The following MYLK variants were observed in gnomAD, a reference collection of about 807,000 sequenced individuals.
MYLK encodes the protein myosin light chain kinase, also known as myosin light chain kinase, smooth muscle.
MYLK carries 106 observed loss-of-function variants against 203.4 expected under a neutral mutation model. That is an observed-to-expected ratio of 0.52 (90% CI 0.45 to 0.61). The LOEUF (loss-of-function observed/expected upper bound fraction) is 0.61, where lower values mean the gene tolerates loss of function less well. Ranked by LOEUF, MYLK falls within the 20% of genes least tolerant of loss-of-function variation. The probability of loss-of-function intolerance (pLI) is 0.00; values close to 1 mark genes in which losing one functional copy is unlikely to be tolerated. For synonymous variants in MYLK, 867 were observed against 959.5 expected (o/e 0.90, Z 1.78); for missense variants, 2,072 against 2,442.3 (o/e 0.85, Z 3.20).
At chr3:123,873,967 C>T (rs1180411238) in intron 2 of MYLK, among the ~76,000 whole-genome samples, 2 of 151,856 alleles carry the variant, frequency 1.3e-5, no homozygotes, top group Admixed American at 1.3e-4. Context: ...TATGTATATG[C>T]CAAAAACTAT....
intron 4 of MYLK, among the ~76,000 whole-genome samples, chr3:123,783,109 T>A (rs1457493437): frequency 1.3e-5 from 2 of 152,228 alleles, no homozygotes; most frequent in Non-Finnish European, 1.5e-5. Flanking sequence ...GAGTACAAAC[T>A]AGTTCCTTTT....
At chr3:123,677,393 T>C (rs1419205197) in intron 20 of MYLK, among the ~76,000 whole-genome samples, 2 of 152,208 alleles carry the variant, frequency 1.3e-5, no homozygotes, top group African/African-American at 4.8e-5. Flanking sequence ...CTCCTGCTCA[T>C]TGGCTTTCTT....
chr3:123,770,927 G>A (rs1178356080), intron 4 of MYLK, among the ~76,000 whole-genome samples: 2 of 152,190 alleles, frequency 1.3e-5, no homozygotes, highest in Non-Finnish European at 2.9e-5. Flanking sequence ...CCCGTCCCCA[G>A]AATGTTCATA....
chr3:123,692,935 C>T (rs543669557), intron 18 of MYLK, 84 bp from the exon 19 acceptor site: 43 of 1,196,942 alleles, frequency 3.6e-5, no homozygotes, highest in East Asian at 4.6e-5. Context: ...GAGTGTTACT[C>T]GCACGGGCAG....
chr3:123,735,683 G>A, intron 8 of MYLK: 8 of 444,116 alleles, frequency 1.8e-5, no homozygotes, highest in Non-Finnish European at 3.3e-5. Flanking sequence ...CTAAACAGAA[G>A]GAAAAAAAAC....
At chr3:123,708,944 G>A (rs1028370729) in intron 14 of MYLK, 49 bp from the exon 15 acceptor site, 9 of 1,530,900 alleles carry the variant, frequency 5.9e-6, no homozygotes, top group Admixed American at 3.4e-5. Flanking sequence ...GTCCTCCCCG[G>A]CCATGCAGCA....
chr3:123,725,400 C>T (rs2062243283), intron 12 of MYLK, among the ~76,000 whole-genome samples: 1 of 152,176 alleles, frequency 6.6e-6, no homozygotes, highest in East Asian at 1.9e-4. Flanking sequence ...AAGGACCTTA[C>T]TTGACAAAAA....
At position 123,866,403 on chromosome 3, in the gene MYLK, C is replaced by T. The variant is rs3863978; in HGVS notation, c.-127+10156G>A. Among the ~76,000 whole-genome samples the T allele has an allele frequency of 8.9e-3, 1,354 of 152,260 alleles. 20 individuals are homozygous for T. The highest frequency in any genetic ancestry group is 0.031 in the African/African-American group (1,274 of 41,538). On this transcript the variant is annotated intron_variant, in intron 2 of 33. Coordinates refer to ENST00000360304, the MANE Select transcript of MYLK (RefSeq NM_053025.4). ...CACATCTTCATTTATTCAACAAATA[C>T]GTATGGAGTGCCTGGTATGTGATAG...
At chr3:123,617,426 A>G (rs558050508) in intron 33 of MYLK, 1 of 152,386 alleles carries the variant, frequency 6.6e-6, no homozygotes, top group East Asian at 1.9e-4. Context: ...CAAAGGCAGC[A>G]CATCCACTTT....
At chr3:123,644,640 C>T (rs899977630) in intron 27 of MYLK, 1 of 152,240 alleles carries the variant, frequency 6.6e-6, no homozygotes, top group Non-Finnish European at 1.5e-5. Context: ...AAAGATAAGA[C>T]ATTTCTCCAC....
At chr3:123,856,022 T>C (rs1351541521) in intron 2 of MYLK, among the ~76,000 whole-genome samples, 1 of 152,220 alleles carries the variant, frequency 6.6e-6, no homozygotes, top group East Asian at 1.9e-4. Flanking sequence ...GCAATTTGTT[T>C]ATATCTCAAA....
chr3:123,664,313 G>T, intron 22 of MYLK, 55 bp from the exon 23 acceptor site: 1 of 1,611,932 alleles, frequency 6.2e-7, no homozygotes, highest in South Asian at 1.1e-5. Flanking sequence ...GGCTAGGAAA[G>T]GAAGGGGGCT....
At chr3:123,645,467 G>A (rs1021910038) in intron 27 of MYLK, among the ~76,000 whole-genome samples, 14 of 152,280 alleles carry the variant, frequency 9.2e-5, no homozygotes, top group African/African-American at 3.1e-4. Context: ...CAACTTTCCT[G>A]GGAGAGAATT....
intron 29 of MYLK, among the ~76,000 whole-genome samples, chr3:123,632,859 CA>C (rs2058495232): frequency 7.0e-6 from 1 of 143,468 alleles, no homozygotes. Context: ...GGTTGGAGTG[CA>C]GTAGTGCGAT....
chr3:123,647,633 C>T (rs1465368376), intron 26 of MYLK, among the ~76,000 whole-genome samples: 1 of 152,182 alleles, frequency 6.6e-6, no homozygotes, highest in Non-Finnish European at 1.5e-5. Flanking sequence ...GCATATCGCC[C>T]ATAAAATCTA....
At chr3:123,763,426 A>G (rs1480660571) in intron 4 of MYLK, among the ~76,000 whole-genome samples, 2 of 152,270 alleles carry the variant, frequency 1.3e-5, no homozygotes, top group Admixed American at 6.5e-5. Flanking sequence ...CCGTTTTGAT[A>G]GAATACCATT....
chr3:123,833,226 AGGTG>A (rs1248929999), intron 2 of MYLK, among the ~76,000 whole-genome samples: 1 of 152,142 alleles, frequency 6.6e-6, no homozygotes, highest in African/African-American at 2.4e-5. Context: ...CAAGCAGAAC[AGGTG>A]TTTCTATAAG....
chr3:123,883,538 G>A (rs143912098), intron 1 of MYLK, among the ~76,000 whole-genome samples: 2,167 of 152,218 alleles, frequency 0.014, 31 homozygotes, highest in Non-Finnish European at 0.021. Context: ...GGTCTTGAAG[G>A]GTTTTAGTTC....
rs1193100597 is a variant in MYLK, at chr3:123,884,276, G to T, written c.-256C>A. ...GGGGCGCCCCGGCCGCAGGCGCACA[G>T]CGCGGGCTCCGAGCTCGCTCAGCGC... On this transcript the variant is annotated 5_prime_UTR_variant, in exon 1 of 34. The change creates a new upstream start codon in the 5' untranslated region. Transcript: ENST00000360304. The T allele has an allele frequency of 1.3e-5, 2 of 148,640 alleles. No individual in the cohort carries two copies. Among genetic ancestry groups the T allele is most frequent in the Non-Finnish European group, 3.0e-5 (2 of 66,802 alleles). 9.2% of individuals were successfully genotyped at this position (148,640 alleles called of 1,614,324 possible).
Sources: gnomAD v4.1 joint callset for allele counts (sites outside exome capture counted in the v4.1 genomes callset) on GRCh38, gnomAD v4.1.1 for gene constraint, MANE v1.5 for transcripts, NCBI Gene and HGNC (gene_info 2026-07-23, HGNC 2026-07-21) for gene names.